GRM1: variants seen among roughly 807,000 people sequenced by gnomAD.
GRM1 encodes the protein glutamate metabotropic receptor 1, also known as metabotropic glutamate receptor 1.
A neutral mutation model predicts 90.9 loss-of-function variants in GRM1; 33 were observed. The ratio of observed to expected loss-of-function variants is 0.36; its 90% CI spans 0.28 to 0.49. The LOEUF (loss-of-function observed/expected upper bound fraction) is 0.49, where lower values mean the gene tolerates loss of function less well. Ranked by LOEUF, GRM1 falls within the 20% of genes least tolerant of loss-of-function variation. GRM1 has a pLI of 0.99. For synonymous variants in GRM1, 700 were observed against 613.2 expected (o/e 1.14, Z -2.09); for missense variants, 1,190 against 1,534.3 (o/e 0.78, Z 3.75).
chr6:146,401,579 A>T lies in GRM1; in HGVS notation c.2660+1880A>T, dbSNP rs531651039. 3.9e-5 allele frequency among the ~76,000 whole-genome samples: 6 copies of T among 152,294 alleles called. No individual in the cohort carries two copies. The South Asian group carries it at 1.2e-3, about 32-fold the overall frequency. On this transcript the variant is annotated intron_variant, in intron 7 of 7. Coordinates refer to ENST00000282753, the MANE Select transcript of GRM1 (RefSeq NM_001278064.2). ...GGATTAAAAGATTCACTTTATTGCA[A>T]CACCTATGGTTTTCTGAGGGCTCCA... is the stretch of plus-strand genomic sequence containing the variant.
chr6:146,080,482 C>T (rs1416969815), intron 1 of GRM1, among the ~76,000 whole-genome samples: 24 of 152,088 alleles, frequency 1.6e-4, no homozygotes, highest in Admixed American at 1.6e-3. Context: ...TTCTTCATTC[C>T]TCATACTAGA....
chr6:146,135,744 A>G (rs1776594179), intron 1 of GRM1, among the ~76,000 whole-genome samples: 1 of 152,228 alleles, frequency 6.6e-6, no homozygotes, highest in Non-Finnish European at 1.5e-5. Flanking sequence ...ACATCAGGGT[A>G]AATGGGGTAT....
At chr6:146,371,521 T>G (rs1215656763) in intron 5 of GRM1, among the ~76,000 whole-genome samples, 1 of 152,068 alleles carries the variant, frequency 6.6e-6, no homozygotes, top group East Asian at 1.9e-4. Context: ...CCAGTTATTA[T>G]TGACTATAGT....
chr6:146,359,988 T>C (rs1775403069), intron 5 of GRM1, among the ~76,000 whole-genome samples: 1 of 152,058 alleles, frequency 6.6e-6, no homozygotes, highest in Non-Finnish European at 1.5e-5. Context: ...TGGAAACAAA[T>C]GAAATTTGAG....
chr6:146,210,752 T>C (rs1306443297), intron 2 of GRM1, among the ~76,000 whole-genome samples: 1 of 152,156 alleles, frequency 6.6e-6, no homozygotes, highest in African/African-American at 2.4e-5. Flanking sequence ...TACAAATTCT[T>C]TATTCTGAAT....
Position 146,434,970 on chromosome 6 carries a change from A to G in GRM1, c.*174A>G. 2 of 655,204 alleles carry G rather than the reference A, an allele frequency of 3.1e-6. No homozygotes were observed. The highest frequency in any genetic ancestry group is 2.7e-6 in the Non-Finnish European group (1 of 370,016). The allele number at this position is 655,204 out of a possible 1,614,324, so 40.6% of individuals were successfully genotyped here. A position where few individuals can be genotyped will look rare whatever the true frequency, so the allele number is the denominator to read the frequency against. ...GCTGCCTTAAGTAGGAAGAGAGGGA[A>G]GGACACCAAGCAAAAAATGTTCCAG... is the stretch of plus-strand genomic sequence containing the variant. On this transcript the variant is annotated 3_prime_UTR_variant, in exon 8 of 8. Transcript: ENST00000282753.
intron 2 of GRM1, among the ~76,000 whole-genome samples, chr6:146,250,714 T>C (rs948347402): frequency 6.6e-6 from 1 of 152,184 alleles, no homozygotes; most frequent in Admixed American, 6.5e-5. Flanking sequence ...TTGACCAGCA[T>C]CATATGGTGA....
chr6:146,396,561 C>T (rs1776944730), intron 6 of GRM1, among the ~76,000 whole-genome samples: 1 of 152,054 alleles, frequency 6.6e-6, no homozygotes, highest in Non-Finnish European at 1.5e-5. Flanking sequence ...TGAACTATCC[C>T]TTATATTGTC....
intron 2 of GRM1, among the ~76,000 whole-genome samples, chr6:146,261,034 G>A (rs1020255234): frequency 6.6e-6 from 1 of 151,778 alleles, no homozygotes; most frequent in Non-Finnish European, 1.5e-5. Flanking sequence ...GCTTAACCTG[G>A]CTAGTCATTC....
chr6:146,134,974 C>G (rs1182421847), intron 1 of GRM1, among the ~76,000 whole-genome samples: 1 of 152,056 alleles, frequency 6.6e-6, no homozygotes, highest in South Asian at 2.1e-4. Context: ...ATGGGGGGAC[C>G]ACCCCCATAG....
chr6:146,393,875 G>C (rs1007732394), intron 6 of GRM1, among the ~76,000 whole-genome samples: 3 of 152,076 alleles, frequency 2.0e-5, no homozygotes, highest in African/African-American at 7.2e-5. Flanking sequence ...ATACTACAAG[G>C]CTGCAGTAAC....
chr6:146,047,222 A>G (rs1472056069), intron 1 of GRM1, among the ~76,000 whole-genome samples: 1 of 151,964 alleles, frequency 6.6e-6, no homozygotes, highest in Non-Finnish European at 1.5e-5. Flanking sequence ...CCTCTTTTGC[A>G]AATTTCTACC....
chr6:146,422,297 A>C (rs1309110800), intron 7 of GRM1, among the ~76,000 whole-genome samples: 1 of 152,190 alleles, frequency 6.6e-6, no homozygotes, highest in African/African-American at 2.4e-5. Context: ...AGTTTAATTT[A>C]TTTTCTACTG....
intron 2 of GRM1, among the ~76,000 whole-genome samples, chr6:146,216,449 G>T (rs1319151842): frequency 6.6e-6 from 1 of 152,180 alleles, no homozygotes; most frequent in Non-Finnish European, 1.5e-5. Context: ...GTTTCAAAAT[G>T]CCACTTAAAA....
intron 7 of GRM1, among the ~76,000 whole-genome samples, chr6:146,431,372 G>T (rs1778398957): frequency 2.0e-5 from 3 of 152,126 alleles, no homozygotes; most frequent in African/African-American, 4.8e-5. Flanking sequence ...TAACTTATGG[G>T]TGCTTTTGAT....
chr6:146,049,551 A>G (rs963855925), intron 1 of GRM1, among the ~76,000 whole-genome samples: 1 of 151,940 alleles, frequency 6.6e-6, no homozygotes, highest in East Asian at 1.9e-4. Context: ...ACTGAGTCAC[A>G]TCACTGGCTT....
At chr6:146,403,765 CTT>C (rs968121467) in intron 7 of GRM1, among the ~76,000 whole-genome samples, 4 of 151,986 alleles carry the variant, frequency 2.6e-5, no homozygotes, top group African/African-American at 9.7e-5. Flanking sequence ...GTGTTCTCCT[CTT>C]TTTTATTTTT....
At chr6:146,380,874 A>T (rs1776294927) in intron 5 of GRM1, among the ~76,000 whole-genome samples, 1 of 152,102 alleles carries the variant, frequency 6.6e-6, no homozygotes, top group Non-Finnish European at 1.5e-5. Flanking sequence ...CTTCGAGGCA[A>T]CAGGTTCGCT....
At chr6:146,424,979 A>G (rs1038944695) in intron 7 of GRM1, among the ~76,000 whole-genome samples, 6 of 152,224 alleles carry the variant, frequency 3.9e-5, no homozygotes, top group Non-Finnish European at 7.3e-5. Flanking sequence ...TGTCAGGGGC[A>G]TATTACCTTG....
Sources: allele counts gnomAD v4.1 joint callset (sites outside exome capture counted in the v4.1 genomes callset), GRCh38; gene constraint gnomAD v4.1.1; transcripts MANE v1.5; gene names NCBI Gene and HGNC (gene_info 2026-07-23, HGNC 2026-07-21).